Variants in MCOLN1 observed in about 807,000 individuals in gnomAD.
MCOLN1 encodes the protein mucolipin-1.
MCOLN1 carries 50 observed loss-of-function variants against 70.3 expected under a neutral mutation model. The ratio of observed to expected loss-of-function variants is 0.71; its 90% CI spans 0.57 to 0.90. The LOEUF is 0.90. MCOLN1 is among the 40% of genes least tolerant of loss of function. The probability of loss-of-function intolerance (pLI) is 0.00; values close to 1 mark genes in which losing one functional copy is unlikely to be tolerated. For synonymous variants in MCOLN1, 366 were observed against 341.0 expected (o/e 1.07, Z -0.81); for missense variants, 598 against 803.5 (o/e 0.74, Z 3.09).
chr19:7,529,014 G>A (rs542507102), intron 9 of MCOLN1, 44 bp downstream of exon 9: 2 of 1,613,972 alleles, frequency 1.2e-6, no homozygotes, highest in East Asian at 2.2e-5. Flanking sequence ...CATCCCTGCT[G>A]TCAGTGCCTA....
At chr19:7,527,140 C>A in intron 4 of MCOLN1, 1 of 653,690 alleles carries the variant, frequency 1.5e-6, no homozygotes. Context: ...GGCGTGGTGG[C>A]GTGCCCCTGT....
chr19:7,533,543 A>G lies in MCOLN1; in HGVS notation c.1596A>G (p.Ala532=). 2 of 1,611,558 alleles carry G rather than the reference A, an allele frequency of 1.2e-6. No individual in the cohort carries two copies. The highest frequency in any genetic ancestry group is 2.2e-5 in the South Asian group (2 of 91,000). The change falls in exon 13 of 14, where the codon GCA becomes GCG. Residue 532 remains alanine (A), a synonymous_variant. Coordinates refer to ENST00000264079, the MANE Select transcript of MCOLN1 (RefSeq NM_020533.3). ...DTIKHPGGAG[A]EESELQAYIA... is the part of the protein sequence containing the mutation. ...CCCAGCATCCCGGCGGCGCAGGCGC[A>G]GAGGAGAGCGAGCTGCAGGCCTACA...
At chr19:7,531,228 T>A (rs2022649620) in intron 12 of MCOLN1, among the ~76,000 whole-genome samples, 1 of 151,606 alleles carries the variant, frequency 6.6e-6, no homozygotes, top group South Asian at 2.1e-4. Flanking sequence ...TGAAATGGAA[T>A]CTTACCCTGT....
chr19:7,526,798 C>T lies in MCOLN1; in HGVS notation c.443C>T (p.Ala148Val), dbSNP rs1386018876. 1.2e-6 allele frequency: 2 copies of T among 1,614,136 alleles called. No homozygotes were observed. The highest frequency in any genetic ancestry group is 1.7e-6 in the Non-Finnish European group (2 of 1,180,044). Residue 148 changes from alanine to valine, a missense_variant, in exon 4 of 14, where the codon GCG becomes GTG. By Grantham distance (64) the Ala-to-Val change is moderately conservative. Around this residue, in one of 3 missense-constraint regions of MCOLN1, gnomAD observed 461 missense variants for 588.4 expected, o/e 0.78. Coordinates refer to ENST00000264079, the MANE Select transcript of MCOLN1 (RefSeq NM_020533.3). This position sits in a 1 kb window ranked among gnomAD's most constrained non-coding sequence, Gnocchi z 4.6. Reference sequence around the variant, plus strand: ...CCTGACGTGTCACTGGGCCGGTATGCGTATGTCCGTGGTGGGGGTGACCCT... The same window carrying T: ...CCTGACGTGTCACTGGGCCGGTATGTGTATGTCCGTGGTGGGGGTGACCCT... ...ALPDVSLGRY[A>V]YVRGGGDPWT... is the part of the protein sequence containing the mutation.
Position 7,528,703 on chromosome 19 carries a change from C to T in MCOLN1, c.984C>T (p.Asn328=), listed in dbSNP as rs612862. Residue 328 remains asparagine, a splice_region_variant and synonymous_variant, in exon 8 of 14, where the codon AAC becomes AAT. Coordinates refer to ENST00000264079, the MANE Select transcript of MCOLN1 (RefSeq NM_020533.3). This position sits in a 1 kb window ranked among gnomAD's most constrained non-coding sequence, Gnocchi z 4.2. ...RSLLRGFLLQ[N]EFVGFMWRQR... is the part of the protein sequence containing the mutation. The stretch of plus-strand genomic sequence containing the variant: ...TCCTTCGAGGCTTCCTGCTGCAGAA[C>T]GTGAGGCTTCTGCGTCATGTGTGCT... 0.31 allele frequency: 498,375 copies of T among 1,613,998 alleles called. 79,402 individuals are homozygous for T. The highest frequency in any genetic ancestry group is 0.44 in the Middle Eastern group (2,688 of 6,062).
Position 7,525,111 on chromosome 19 carries a change from G to A in MCOLN1, c.182G>A (p.Arg61His), listed in dbSNP as rs369876580. The change falls in exon 2 of 14, where the codon CGC becomes CAC. Residue 61 changes from arginine (R) to histidine (H), a missense_variant. Arg to His is a conservative substitution (Grantham distance 29). Around this residue, in one of 3 missense-constraint regions of MCOLN1, gnomAD observed 461 missense variants for 588.4 expected, o/e 0.78. Coordinates refer to ENST00000264079, the MANE Select transcript of MCOLN1 (RefSeq NM_020533.3). The surrounding 1 kb of genome is among the most constrained non-coding windows in gnomAD (Gnocchi z 4.2). The stretch of plus-strand genomic sequence containing the variant: ...TGCGACAAGTTTCGAGCCAAGGGCC[G>A]CAAGCCCTGCAAGCTGATGCTGCAA... The part of the protein sequence containing the change: ...SPCDKFRAKG[R>H]KPCKLMLQVV... 7 of 1,614,122 alleles carry A rather than the reference G, an allele frequency of 4.3e-6. No homozygotes were observed. The highest frequency in any genetic ancestry group is 2.2e-5 in the South Asian group (2 of 91,088).
chr19:7,525,564 A>T lies in MCOLN1; in HGVS notation c.237+398A>T, dbSNP rs2146021749. On this transcript the variant is annotated intron_variant, in intron 2 of 13. Coordinates refer to ENST00000264079, the MANE Select transcript of MCOLN1 (RefSeq NM_020533.3). The surrounding 1 kb of genome is among the most constrained non-coding windows in gnomAD (Gnocchi z 4.2). ...GCCCAAAGTCACACAGCAATAGAAC[A>T]TTGGGAGCTGGGATTTGAACCCAGG... is the stretch of plus-strand genomic sequence containing the variant. The T allele has an allele frequency of 3.7e-6, 1 of 271,900 alleles. No individual in the cohort carries two copies. Among genetic ancestry groups the T allele is most frequent in the South Asian group, 3.5e-5 (1 of 28,844 alleles). The allele number at this position is 271,900 out of a possible 1,614,324, so 16.8% of individuals were successfully genotyped here. A position where few individuals can be genotyped will look rare whatever the true frequency, so the allele number is the denominator to read the frequency against.
chr19:7,533,735 C>G, intron 13 of MCOLN1, 24 bp from the exon 14 acceptor site: 1 of 1,614,182 alleles, frequency 6.2e-7, no homozygotes. Context: ...ACTGACGCCC[C>G]TCTTCCCTGC....
At chr19:7,529,505 C>CCCCCCCCCCCCCCCCCCCTGGGGG in intron 10 of MCOLN1, 85 bp from the exon 11 acceptor site, 1 of 755,740 alleles carries the variant, frequency 1.3e-6, no homozygotes, top group Non-Finnish European at 2.3e-6. Flanking sequence ...GGCAAGGCCC[C>CCCCCCCCCCCCCCCCCCCTGGGGG]GCCCCTCCCA....
At chr19:7,533,480 T>G (rs1193765156) in intron 12 of MCOLN1, 43 bp from the exon 13 acceptor site, 1 of 1,608,486 alleles carries the variant, frequency 6.2e-7, no homozygotes. Context: ...CCTTGGAGGT[T>G]GGGAGCCACT....
intron 5 of MCOLN1, 57 bp from the exon 6 acceptor site, chr19:7,527,807 T>C (rs1389696070): frequency 7.0e-7 from 1 of 1,419,226 alleles, no homozygotes; most frequent in Non-Finnish European, 1.0e-6. Flanking sequence ...ACGCTGGCAC[T>C]TGGGGCCGGA....
intron 10 of MCOLN1, 59 bp from the exon 11 acceptor site, chr19:7,529,531 C>T (rs2022623984): frequency 2.2e-6 from 2 of 924,636 alleles, no homozygotes; most frequent in Non-Finnish European, 3.2e-6. Flanking sequence ...ATCTGGGTGC[C>T]CACAGCTGAC....
chr19:7,524,490 TG>T lies in MCOLN1; in HGVS notation c.32-468del, dbSNP rs1431565024. Among the ~76,000 whole-genome samples, 1 of 152,150 alleles carries T rather than the reference TG, an allele frequency of 6.6e-6. No individual in the cohort carries two copies. The highest frequency in any genetic ancestry group is 1.5e-5 in the Non-Finnish European group (1 of 68,032). On this transcript the variant is annotated intron_variant, in intron 1 of 13. Transcript: ENST00000264079. This position sits in a 1 kb window ranked among gnomAD's most constrained non-coding sequence, Gnocchi z 4.1. Reference sequence around the variant, plus strand: ...TATGCTCATGTCTGGAAGCTGGAGTTGGGATAAGCCCAGCAGGCTTGAACGC... The same window carrying T: ...TATGCTCATGTCTGGAAGCTGGAGTTGGATAAGCCCAGCAGGCTTGAACGC...
rs377757971 is a variant in MCOLN1 at position 7,527,542 on chromosome 19, C to A, written c.594C>A (p.Pro198=). Residue 198 remains proline, a synonymous_variant, in exon 5 of 14, where the codon CCC becomes CCA. Coordinates refer to ENST00000264079, the MANE Select transcript of MCOLN1 (RefSeq NM_020533.3). ...VVTDCIQVDP[P]ERPPPPPSDD... is the part of the protein sequence containing the mutation. ...TAGACTGCATCCAGGTGGATCCCCC[C>A]GAGCGGCCCCCTCCGCCCCCCAGCG... The A allele has an allele frequency of 2.5e-6, 4 of 1,583,086 alleles. No individual in the cohort carries two copies. The Admixed American group carries it at 5.0e-5, about 20-fold the overall frequency.
At chr19:7,531,252 G>T (rs1212910554) in intron 12 of MCOLN1, among the ~76,000 whole-genome samples, 2 of 151,874 alleles carry the variant, frequency 1.3e-5, no homozygotes, top group Non-Finnish European at 2.9e-5. Flanking sequence ...CCAGGCTGGA[G>T]TGCAATGGCA....
At chr19:7,529,505 C>CCCCCCCCCCCCCCCCCCCT in intron 10 of MCOLN1, 85 bp from the exon 11 acceptor site, 4 of 755,726 alleles carry the variant, frequency 5.3e-6, no homozygotes, top group Non-Finnish European at 6.8e-6. Flanking sequence ...GGCAAGGCCC[C>CCCCCCCCCCCCCCCCCCCT]GCCCCTCCCA....
At chr19:7,527,381 C>T (rs1042488781) in intron 4 of MCOLN1, 139 bp from the exon 5 acceptor site, 69 of 698,332 alleles carry the variant, frequency 9.9e-5, no homozygotes, top group African/African-American at 7.3e-4. Context: ...GTAAAACATC[C>T]GCAGGCCCAG....
rs1346139106 is a variant in MCOLN1, at chr19:7,526,793, G to C, written c.438G>C (p.Arg146=). The C allele has an allele frequency of 1.9e-6, 3 of 1,614,190 alleles. No individual in the cohort carries two copies. In the East Asian group the frequency reaches 6.7e-5, roughly 36 times the overall value. The change falls in exon 4 of 14, where the codon CGG becomes CGC. Residue 146 remains arginine (R), a synonymous_variant. Coordinates refer to ENST00000264079, the MANE Select transcript of MCOLN1 (RefSeq NM_020533.3). The surrounding 1 kb of genome is among the most constrained non-coding windows in gnomAD (Gnocchi z 4.6). ...YLALPDVSLG[R]YAYVRGGGDP... ...CGTTGCCTGACGTGTCACTGGGCCG[G>C]TATGCGTATGTCCGTGGTGGGGGTG...
intron 10 of MCOLN1, 80 bp from the exon 11 acceptor site, chr19:7,529,510 C>CCCCCCCCCCCCCAAGGGGGG: frequency 2.2e-6 from 2 of 912,890 alleles, no homozygotes; most frequent in Non-Finnish European, 1.7e-6. Flanking sequence ...GGCCCCGCCC[C>CCCCCCCCCCCCCAAGGGGGG]TCCCACCCCC....
Sources: allele counts gnomAD v4.1 joint callset (sites outside exome capture counted in the v4.1 genomes callset), GRCh38; gene constraint gnomAD v4.1.1; regional missense constraint gnomAD v4.1.1; non-coding constraint Gnocchi (gnomAD v3.1); transcripts MANE v1.5; gene names NCBI Gene and HGNC (gene_info 2026-07-23, HGNC 2026-07-21).